Variants in TWSG1 observed in about 807,000 individuals in gnomAD.
TWSG1 encodes the protein twisted gastrulation BMP signaling modulator 1, also known as twisted gastrulation protein homolog 1.
TWSG1 carries 15 observed loss-of-function variants against 23.0 expected under a neutral mutation model. The observed-to-expected ratio is 0.65, with a 90% CI of 0.44 to 1.00. The LOEUF (loss-of-function observed/expected upper bound fraction) is 1.00. Among genes scored for constraint, TWSG1 ranks in the 50% least tolerant of loss-of-function variants. TWSG1 has a pLI of 0.00. For missense variants in TWSG1, 242 were observed against 278.7 expected, an observed-to-expected ratio of 0.87 and a Z score of 0.94; for synonymous variants, 86 against 92.8, an observed-to-expected ratio of 0.93 and a Z score of 0.42.
intron 3 of TWSG1, among the ~76,000 whole-genome samples, chr18:9,386,753 TA>T (rs2040686735): frequency 6.6e-6 from 1 of 152,118 alleles, no homozygotes; most frequent in African/African-American, 2.4e-5. Context: ...TTACAACTTC[TA>T]GGTTAAAAAA....
rs1406016387 is a variant in TWSG1 at position 9,334,993 on chromosome 18, G to C, written c.-38+73G>C. On this transcript the variant is annotated intron_variant, in intron 1 of 4. Transcript: ENST00000262120. The surrounding 1 kb of genome is among the most constrained non-coding windows in gnomAD (Gnocchi z 4.7). ...TGGGAAGGGGCCGGGCGCCGAGCTC[G>C]GCCCTCTAGAGGCCCGGGGCCGCGG... 1 of 152,226 alleles carries C rather than the reference G, an allele frequency of 6.6e-6. No individual in the cohort carries two copies. Among genetic ancestry groups the C allele is most frequent in the East Asian group, 1.9e-4 (1 of 5,184 alleles). 9.4% of individuals were successfully genotyped at this position (152,226 alleles called of 1,614,324 possible).
In TWSG1 at chr18:9,400,807, C is replaced by G. The variant is rs1404681834; in HGVS notation, c.*1280C>G. 6.6e-6 allele frequency: 1 copy of G among 151,996 alleles called. No individual in the cohort carries two copies. The highest frequency in any genetic ancestry group is 1.5e-5 in the Non-Finnish European group (1 of 67,998). The allele number at this position is 151,996 out of a possible 1,614,324, so 9.4% of individuals were successfully genotyped here. On this transcript the variant is annotated 3_prime_UTR_variant, in exon 5 of 5. Transcript: ENST00000262120. ...TTTCTTTCAATAAAGATACTATGTG[C>G]CCTTCATAGTAATAAAATCTCAATC... is the stretch of plus-strand genomic sequence containing the variant.
At chr18:9,337,854 G>T (rs959326385) in intron 2 of TWSG1, among the ~76,000 whole-genome samples, 1 of 152,174 alleles carries the variant, frequency 6.6e-6, no homozygotes, top group African/African-American at 2.4e-5. Context: ...TAGCCAGGTG[G>T]CTGTGGCTTA....
chr18:9,371,324 T>C (rs575595429), intron 3 of TWSG1, among the ~76,000 whole-genome samples: 19 of 146,906 alleles, frequency 1.3e-4, no homozygotes, highest in African/African-American at 4.8e-4. Context: ...TGAGATGGAG[T>C]CTTGCCCTGT....
chr18:9,352,119 T>G (rs1405367757), intron 2 of TWSG1, among the ~76,000 whole-genome samples: 6 of 152,178 alleles, frequency 3.9e-5, no homozygotes, highest in Non-Finnish European at 7.3e-5. Context: ...AACCACTGAT[T>G]TGATTTTTTT....
At chr18:9,385,822 A>G (rs2040680365) in intron 3 of TWSG1, among the ~76,000 whole-genome samples, 1 of 152,210 alleles carries the variant, frequency 6.6e-6, no homozygotes, top group Non-Finnish European at 1.5e-5. Context: ...TTAACAAAGT[A>G]TCATGTCTGT....
chr18:9,368,654 A>C lies in TWSG1; in HGVS notation c.223+8583A>C, dbSNP rs188848169. 5.3e-5 allele frequency among the ~76,000 whole-genome samples: 8 copies of C among 152,158 alleles called. No homozygotes were observed. The East Asian group carries it at 1.6e-3, about 30-fold the overall frequency. On this transcript the variant is annotated intron_variant, in intron 3 of 4. Transcript: ENST00000262120. Reference sequence around the variant, plus strand: ...ATAGTAAAACACCATCTCTATTAAAAATACAAAAATTGGCTGGGCACGGCG... The same window carrying C: ...ATAGTAAAACACCATCTCTATTAAACATACAAAAATTGGCTGGGCACGGCG...
intron 2 of TWSG1, among the ~76,000 whole-genome samples, chr18:9,341,194 T>C (rs1032915599): frequency 6.6e-6 from 1 of 152,210 alleles, no homozygotes; most frequent in African/African-American, 2.4e-5. Context: ...AAGCTGAACA[T>C]GTGGATGGGA....
intron 3 of TWSG1, among the ~76,000 whole-genome samples, chr18:9,361,108 A>G (rs2040550443): frequency 6.6e-6 from 1 of 152,188 alleles, no homozygotes; most frequent in African/African-American, 2.4e-5. Flanking sequence ...AATTAATTAA[A>G]TGAGTTATCC....
intron 3 of TWSG1, among the ~76,000 whole-genome samples, chr18:9,387,770 CAA>C (rs10616614): frequency 0.57 from 68,756 of 120,552 alleles, 17,032 homozygotes; most frequent in Middle Eastern, 0.67. Context: ...AACTCTGTCT[CAA>C]AAAAAAAAAA....
At chr18:9,369,278 GTTTCT>G (rs371520284) in intron 3 of TWSG1, among the ~76,000 whole-genome samples, 6 of 151,526 alleles carry the variant, frequency 4.0e-5, no homozygotes, top group African/African-American at 1.5e-4. Context: ...TCCTTTGCCC[GTTTCT>G]TTTGAGTCAG....
At chr18:9,369,409 C>G (rs2040594578) in intron 3 of TWSG1, among the ~76,000 whole-genome samples, 1 of 151,998 alleles carries the variant, frequency 6.6e-6, no homozygotes, top group Non-Finnish European at 1.5e-5. Flanking sequence ...GTTGGGATTA[C>G]AGGTGCCCGC....
chr18:9,381,317 C>T (rs1391971468), intron 3 of TWSG1, among the ~76,000 whole-genome samples: 1 of 152,110 alleles, frequency 6.6e-6, no homozygotes, highest in Non-Finnish European at 1.5e-5. Flanking sequence ...AATCTCAGGA[C>T]CCCTCTATAC....
chr18:9,378,028 A>C (rs2040639182), intron 3 of TWSG1, among the ~76,000 whole-genome samples: 2 of 152,282 alleles, frequency 1.3e-5, no homozygotes, highest in Non-Finnish European at 2.9e-5. Flanking sequence ...TTTAGATACA[A>C]CACCAAAGGC....
intron 2 of TWSG1, among the ~76,000 whole-genome samples, chr18:9,340,176 G>A (rs1377313700): frequency 2.0e-5 from 3 of 151,848 alleles, no homozygotes; most frequent in African/African-American, 7.3e-5. Flanking sequence ...AGACCATCCT[G>A]GCTAACATGG....
intron 2 of TWSG1, among the ~76,000 whole-genome samples, chr18:9,344,458 T>C (rs1378271213): frequency 1.3e-5 from 2 of 151,716 alleles, no homozygotes; most frequent in African/African-American, 4.8e-5. Flanking sequence ...TAGCTAATGA[T>C]GTTGAGCATC....
rs191202867 is a variant in TWSG1 at position 9,368,843 on chromosome 18, G to A, written c.223+8772G>A. Among the ~76,000 whole-genome samples the A allele has an allele frequency of 4.4e-4, 67 of 152,230 alleles. No individual in the cohort carries two copies. The East Asian group carries it at 6.4e-3, about 15-fold the overall frequency. On this transcript the variant is annotated intron_variant, in intron 3 of 4. Transcript: ENST00000262120. ...CACACCTGTAATCCCAGCTATTCGG[G>A]AGGCTGAGGCAGGAGAATCGCTTGA... is the stretch of plus-strand genomic sequence containing the variant.
rs1453133116 is a variant in TWSG1, at chr18:9,400,490, G to A, written c.*963G>A. ...GCAGCCTTAGCCAAGACAAAGCAGT[G>A]TTTTTCAGCAGACGGCTGATGGGAC... On this transcript the variant is annotated 3_prime_UTR_variant, in exon 5 of 5. Coordinates refer to ENST00000262120, the MANE Select transcript of TWSG1 (RefSeq NM_020648.6). 1 of 152,152 alleles carries A rather than the reference G, an allele frequency of 6.6e-6. No homozygotes were observed. The highest frequency in any genetic ancestry group is 2.4e-5 in the African/African-American group (1 of 41,428). The allele number at this position is 152,152 out of a possible 1,614,324, so 9.4% of individuals were successfully genotyped here.
At chr18:9,394,735 AC>A (rs1326153737) in intron 3 of TWSG1, among the ~76,000 whole-genome samples, 2 of 152,152 alleles carry the variant, frequency 1.3e-5, no homozygotes, top group East Asian at 3.9e-4. Flanking sequence ...ATTGCTCAAT[AC>A]CCTTCCTCTC....
Sources: allele counts gnomAD v4.1 joint callset (sites outside exome capture counted in the v4.1 genomes callset), GRCh38; gene constraint gnomAD v4.1.1; non-coding constraint Gnocchi (gnomAD v3.1); transcripts MANE v1.5; gene names NCBI Gene and HGNC (gene_info 2026-07-23, HGNC 2026-07-21).